RGS22: variants seen among roughly 807,000 people sequenced by gnomAD.
The protein encoded by RGS22 is regulator of G-protein signaling 22.
RGS22 carries 148 observed loss-of-function variants against 172.9 expected under a neutral mutation model. The observed-to-expected ratio is 0.86, with a 90% CI of 0.75 to 0.98. The LOEUF is 0.98. Among genes scored for constraint, RGS22 ranks in the 50% least tolerant of loss-of-function variants. The pLI is 0.00. For synonymous variants in RGS22, 458 were observed against 480.2 expected (o/e 0.95, Z 0.60); for missense variants, 1,347 against 1,440.8 (o/e 0.93, Z 1.05).
chr8:100,066,429 A>C, intron 6 of RGS22, 133 bp from the exon 7 acceptor site: 1 of 686,194 alleles, frequency 1.5e-6, no homozygotes, highest in Non-Finnish European at 2.3e-6. Context: ...CTCATGAAGG[A>C]AAATAAAATT....
At chr8:100,040,130 G>A (rs1462931884) in intron 12 of RGS22, 43 bp from the exon 13 acceptor site, 1 of 1,570,424 alleles carries the variant, frequency 6.4e-7, no homozygotes, top group Non-Finnish European at 8.6e-7. Flanking sequence ...CAAAAACATT[G>A]TAATTTTTTT....
At chr8:100,008,917 G>A (rs1213729281) in intron 14 of RGS22, among the ~76,000 whole-genome samples, 1 of 151,946 alleles carries the variant, frequency 6.6e-6, no homozygotes, top group Non-Finnish European at 1.5e-5. Context: ...ACTTTCCAAA[G>A]TGGCTTGAAA....
intron 2 of RGS22, among the ~76,000 whole-genome samples, chr8:100,096,884 C>CA (rs1223911803): frequency 1.3e-5 from 2 of 151,336 alleles, no homozygotes; most frequent in East Asian, 1.9e-4. Flanking sequence ...AAGATACAGA[C>CA]AAAAAAACTA....
chr8:100,105,056 A>G (rs1813815345), intron 2 of RGS22, among the ~76,000 whole-genome samples: 1 of 152,262 alleles, frequency 6.6e-6, no homozygotes, highest in Non-Finnish European at 1.5e-5. Context: ...ATGCACAGCC[A>G]CATCATAATA....
At chr8:100,027,691 C>T (rs1173802405) in intron 14 of RGS22, among the ~76,000 whole-genome samples, 55 of 152,120 alleles carry the variant, frequency 3.6e-4, no homozygotes, top group Non-Finnish European at 1.3e-4. Context: ...CCATGTTAGC[C>T]AGGCTGGTCT....
In RGS22 at chr8:100,002,234, T is replaced by TG; in HGVS notation, c.2757dup (p.Asn920GlnfsTer25). On this transcript the variant is annotated frameshift_variant, in exon 18 of 28. Transcript: ENST00000360863. LOFTEE classifies it high-confidence loss of function. ...TGCTGATACAGAGAAGCTGGACTGT[T>TG]GGGTCCAAAGAAATATTTTTTATTA... 2 of 1,606,210 alleles carry TG rather than the reference T, an allele frequency of 1.2e-6. No homozygotes were observed. Among genetic ancestry groups the TG allele is most frequent in the Non-Finnish European group, 1.7e-6 (2 of 1,177,282 alleles).
rs765043891 is a variant in RGS22, at chr8:99,982,070, ATCT to A, written c.3224_3226del (p.Lys1075del). 9 of 1,613,876 alleles carry A rather than the reference ATCT, an allele frequency of 5.6e-6. No individual in the cohort carries two copies. Among genetic ancestry groups the A allele is most frequent in the Admixed American group, 3.3e-5 (2 of 59,974 alleles). On this transcript the variant is annotated inframe_deletion, in exon 22 of 28. Transcript: ENST00000360863. ...AATAAAGCAGTTGATAATAGTTGTA[ATCT>A]TCTTCTGGATGACAGACTCATCACA... is the stretch of plus-strand genomic sequence containing the variant.
chr8:100,071,813 C>T (rs559075288), intron 5 of RGS22, among the ~76,000 whole-genome samples: 1 of 152,296 alleles, frequency 6.6e-6, no homozygotes, highest in South Asian at 2.1e-4. Context: ...AAAAACTTGG[C>T]TCTGGACTAC....
At chr8:100,026,286 T>C (rs1243536834) in intron 14 of RGS22, among the ~76,000 whole-genome samples, 4 of 152,226 alleles carry the variant, frequency 2.6e-5, no homozygotes, top group African/African-American at 4.8e-5. Flanking sequence ...TGAAATGACC[T>C]AGGGCCAGAG....
At chr8:100,001,852 C>T (rs1815127223) in intron 18 of RGS22, among the ~76,000 whole-genome samples, 1 of 152,132 alleles carries the variant, frequency 6.6e-6, no homozygotes, top group Admixed American at 6.6e-5. Flanking sequence ...TTGACAGGTG[C>T]AGGGAGCTTG....
At chr8:100,023,585 C>T (rs1817846837) in intron 14 of RGS22, among the ~76,000 whole-genome samples, 1 of 152,172 alleles carries the variant, frequency 6.6e-6, no homozygotes, top group Non-Finnish European at 1.5e-5. Flanking sequence ...AAGCACGGGC[C>T]ACCACACCTG....
intron 23 of RGS22, among the ~76,000 whole-genome samples, chr8:99,976,968 C>A (rs923268984): frequency 6.6e-6 from 1 of 151,864 alleles, no homozygotes; most frequent in Admixed American, 6.6e-5. Context: ...GGAGCAATTA[C>A]CCCTTCTTAA....
chr8:99,974,621 AACCCC>A (rs1811726530), intron 23 of RGS22, among the ~76,000 whole-genome samples: 2 of 151,328 alleles, frequency 1.3e-5, no homozygotes, highest in African/African-American at 4.9e-5. Flanking sequence ...AACATGGTGA[AACCCC>A]ATCTCTACTA....
intron 10 of RGS22, among the ~76,000 whole-genome samples, chr8:100,049,241 C>T (rs1821033109): frequency 6.6e-6 from 1 of 152,142 alleles, no homozygotes; most frequent in South Asian, 2.1e-4. Context: ...ACAATGTATA[C>T]TTTTGTCCAA....
chr8:100,102,990 A>G (rs570672701), intron 2 of RGS22, among the ~76,000 whole-genome samples: 1 of 152,366 alleles, frequency 6.6e-6, no homozygotes, highest in Admixed American at 6.5e-5. Context: ...GTAGGCAGTA[A>G]TAACCACCTA....
chr8:100,008,556 G>A lies in RGS22; in HGVS notation c.2180C>T (p.Thr727Ile). The change falls in exon 15 of 28, where the codon ACA becomes ATA. Residue 727 changes from threonine to isoleucine, a missense_variant. Physicochemically the swap from Thr to Ile is moderately conservative, Grantham distance 89 (BLOSUM62 -1). Coordinates refer to ENST00000360863, the MANE Select transcript of RGS22 (RefSeq NM_015668.5). ...VCKQAQYLFA[T>I]YVAPSATLDI... is the part of the protein sequence containing the mutation. ...AAGAGTGGCAGAAGGAGCAACGTAT[G>A]TGGCAAAAAGATACTGAAGGAGAAG... 2 of 1,607,284 alleles carry A rather than the reference G, an allele frequency of 1.2e-6. No individual in the cohort carries two copies. Among genetic ancestry groups the A allele is most frequent in the Non-Finnish European group, 1.7e-6 (2 of 1,178,092 alleles).
rs960970206 is a variant in RGS22, at chr8:99,995,193, G to A, written c.3018+1269C>T. On this transcript the variant is annotated intron_variant, in intron 20 of 27. Transcript: ENST00000360863. ...AGAAAACCTAGGCAATACCATTCAG[G>A]ACATAGGCATGGGCAAGGACTTCAT... is the stretch of plus-strand genomic sequence containing the variant. 4.6e-5 allele frequency among the ~76,000 whole-genome samples: 7 copies of A among 152,066 alleles called. No individual in the cohort carries two copies. The East Asian group carries it at 1.3e-3, about 29-fold the overall frequency.
intron 9 of RGS22, among the ~76,000 whole-genome samples, chr8:100,058,991 C>A (rs969815129): frequency 6.6e-6 from 1 of 152,154 alleles, no homozygotes; most frequent in African/African-American, 2.4e-5. Flanking sequence ...ACAGAAACAA[C>A]AAAACATTTA....
chr8:99,973,563 T>C (rs111899164), intron 23 of RGS22, among the ~76,000 whole-genome samples: 3,907 of 151,998 alleles, frequency 0.026, 78 homozygotes, highest in Non-Finnish European at 0.038. Flanking sequence ...ACCTAATGCA[T>C]GTGGGGCTTA....
Sources: gnomAD v4.1 joint callset for allele counts (sites outside exome capture counted in the v4.1 genomes callset) on GRCh38, gnomAD v4.1.1 for gene constraint, MANE v1.5 for transcripts, NCBI Gene and HGNC (gene_info 2026-07-23, HGNC 2026-07-21) for gene names.